The following SKA2 variants were observed in gnomAD, a reference collection of about 807,000 sequenced individuals.
SKA2 encodes spindle and kinetochore associated complex subunit 2.
Under a neutral mutation model 16.9 loss-of-function variants are expected in SKA2, and 13 were observed. The observed-to-expected ratio is 0.77, with a 90% CI of 0.50 to 1.22. The LOEUF (loss-of-function observed/expected upper bound fraction) is 1.22, where lower values mean the gene tolerates loss of function less well. Ranked by LOEUF, SKA2 falls within the 50% of genes most tolerant of loss-of-function variation. The pLI is 0.00. For synonymous variants in SKA2, 47 were observed against 48.5 expected (o/e 0.97, Z 0.13); for missense variants, 107 against 139.7 (o/e 0.77, Z 1.18).
At chr17:59,115,497 T>C (rs981182457) in intron 3 of SKA2, among the ~76,000 whole-genome samples, 12 of 152,194 alleles carry the variant, frequency 7.9e-5, no homozygotes, top group Admixed American at 6.6e-4. Context: ...AAGGATAAAC[T>C]GAAAAACAAT....
intron 2 of SKA2, among the ~76,000 whole-genome samples, chr17:59,128,956 A>G (rs747893147): frequency 2.0e-5 from 3 of 152,198 alleles, no homozygotes; most frequent in Non-Finnish European, 4.4e-5. Context: ...AAAAAGTTGC[A>G]GGAAAAAAAA....
At chr17:59,146,355 T>C (rs1469329638) in intron 1 of SKA2, among the ~76,000 whole-genome samples, 3 of 152,042 alleles carry the variant, frequency 2.0e-5, no homozygotes, top group Non-Finnish European at 2.9e-5. Flanking sequence ...AAAAATTAGC[T>C]GGGCATGGCG....
At chr17:59,132,814 T>G (rs1278383789) in intron 1 of SKA2, among the ~76,000 whole-genome samples, 1 of 152,222 alleles carries the variant, frequency 6.6e-6, no homozygotes. Flanking sequence ...TTTCAAAAGG[T>G]CATTTGTTTT....
At chr17:59,138,377 T>C (rs1170650802) in intron 1 of SKA2, among the ~76,000 whole-genome samples, 2 of 151,756 alleles carry the variant, frequency 1.3e-5, no homozygotes, top group East Asian at 3.9e-4. Flanking sequence ...ATTTTGGATT[T>C]TGGAGCATTT....
At chr17:59,123,495 T>C (rs2046350907) in intron 2 of SKA2, among the ~76,000 whole-genome samples, 1 of 151,078 alleles carries the variant, frequency 6.6e-6, no homozygotes, top group South Asian at 2.1e-4. Flanking sequence ...AGGCGGAGGT[T>C]GCAGTGAGCC....
intron 3 of SKA2, among the ~76,000 whole-genome samples, chr17:59,113,105 C>T (rs146437165): frequency 0.01 from 1,530 of 151,932 alleles, 26 homozygotes; most frequent in African/African-American, 0.035. Context: ...CACCTGTGGT[C>T]CCAGCTGCTC....
intron 1 of SKA2, among the ~76,000 whole-genome samples, chr17:59,136,329 A>AT (rs2046444851): frequency 1.3e-5 from 2 of 151,680 alleles, no homozygotes. Flanking sequence ...TGCCTGGCTC[A>AT]TTTTTTGTAT....
intron 1 of SKA2, among the ~76,000 whole-genome samples, chr17:59,153,038 T>G (rs1392387561): frequency 2.6e-5 from 4 of 152,204 alleles, no homozygotes; most frequent in Admixed American, 2.6e-4. Flanking sequence ...TTCAAAATGT[T>G]TACTTCATCA....
intron 2 of SKA2, among the ~76,000 whole-genome samples, chr17:59,124,886 T>C (rs1450883516): frequency 1.3e-5 from 2 of 152,140 alleles, no homozygotes; most frequent in African/African-American, 4.8e-5. Context: ...GGACTGTGGT[T>C]AGGACTTAGC....
intron 1 of SKA2, among the ~76,000 whole-genome samples, chr17:59,132,420 T>G (rs1479876200): frequency 2.0e-5 from 3 of 152,196 alleles, no homozygotes; most frequent in East Asian, 3.9e-4. Flanking sequence ...TCCCAGCACT[T>G]TGGGAGGCTG....
At chr17:59,144,071 G>T (rs909979797) in intron 1 of SKA2, among the ~76,000 whole-genome samples, 3 of 151,984 alleles carry the variant, frequency 2.0e-5, no homozygotes, top group African/African-American at 7.2e-5. Flanking sequence ...CAGGAGAATC[G>T]CTTGAACCCC....
chr17:59,130,338 G>A (rs531024062), intron 2 of SKA2, among the ~76,000 whole-genome samples: 61 of 151,480 alleles, frequency 4.0e-4, no homozygotes, highest in African/African-American at 1.3e-3. Context: ...TTGGTCGCAC[G>A]TGGTGGCTCA....
chr17:59,150,697 G>A (rs1400473911), intron 1 of SKA2, among the ~76,000 whole-genome samples: 1 of 152,002 alleles, frequency 6.6e-6, no homozygotes, highest in African/African-American at 2.4e-5. Context: ...AGGTGTAACT[G>A]GGCCACTGCA....
chr17:59,141,771 G>A (rs2046492245), intron 1 of SKA2, among the ~76,000 whole-genome samples: 1 of 150,488 alleles, frequency 6.6e-6, no homozygotes, highest in African/African-American at 2.4e-5. Context: ...TCAAAATTAT[G>A]GCACGTGATA....
At chr17:59,153,964 G>A (rs2046597555) in intron 1 of SKA2, among the ~76,000 whole-genome samples, 1 of 151,688 alleles carries the variant, frequency 6.6e-6, no homozygotes, top group South Asian at 2.1e-4. Flanking sequence ...TATAGACGGA[G>A]TTTCACCATG....
At position 59,155,001 on chromosome 17, in the gene SKA2, G is replaced by A. The variant is rs755480328; in HGVS notation, c.33+130C>T. On this transcript the variant is annotated intron_variant, in intron 1 of 3. Transcript: ENST00000330137. ...GACGGTGGCGGCTCCCTTTGGTGCA[G>A]GAGGAGGGAACTCGACTCTGGTCCA... 6 of 1,613,828 alleles carry A rather than the reference G, an allele frequency of 3.7e-6. No homozygotes were observed. The African/African-American group carries it at 4.0e-5, about 11-fold the overall frequency.
At chr17:59,140,811 G>C (rs981799298) in intron 1 of SKA2, among the ~76,000 whole-genome samples, 5 of 144,484 alleles carry the variant, frequency 3.5e-5, no homozygotes, top group Non-Finnish European at 6.0e-5. Flanking sequence ...CTTTAGTAGA[G>C]ACAGGGTTTC....
intron 2 of SKA2, among the ~76,000 whole-genome samples, chr17:59,124,077 A>C (rs943098094): frequency 2.6e-5 from 4 of 152,220 alleles, no homozygotes; most frequent in Non-Finnish European, 4.4e-5. Flanking sequence ...GTGAAGCATT[A>C]TTCTTTGTAA....
chr17:59,135,310 C>CT lies in SKA2; in HGVS notation c.34-3944dup, dbSNP rs71145527. 8.3e-3 allele frequency among the ~76,000 whole-genome samples: 1,046 copies of CT among 126,010 alleles called. 13 individuals are homozygous for CT. Among genetic ancestry groups the CT allele is most frequent in the African/African-American group, 0.014 (482 of 35,296 alleles). 82.7% of individuals were successfully genotyped at this position (126,010 alleles called of 152,430 possible). ...GGTATGATGAAATCAACTAAACTGT[C>CT]TTTTTTTTTTTTTTTTTTTTTTTTT... On this transcript the variant is annotated intron_variant, in intron 1 of 3. Transcript: ENST00000330137.
Sources: allele counts gnomAD v4.1 joint callset (sites outside exome capture counted in the v4.1 genomes callset), GRCh38; gene constraint gnomAD v4.1.1; transcripts MANE v1.5; gene names NCBI Gene and HGNC (gene_info 2026-07-23, HGNC 2026-07-21).